The following TBC1D31 variants were observed in gnomAD, a reference collection of about 807,000 sequenced individuals.
TBC1D31 encodes the protein TBC1 domain family member 31.
TBC1D31 carries 99 observed loss-of-function variants against 132.9 expected under a neutral mutation model. That is an observed-to-expected ratio of 0.74 (90% CI 0.63 to 0.88). The LOEUF is 0.88. Among genes scored for constraint, TBC1D31 ranks in the 40% least tolerant of loss-of-function variants. The probability of loss-of-function intolerance (pLI) is 0.00; values close to 1 mark genes in which losing one functional copy is unlikely to be tolerated. For synonymous variants in TBC1D31, 385 were observed against 419.4 expected, an observed-to-expected ratio of 0.92 and a Z score of 1.00; for missense variants, 1,134 against 1,256.6, an observed-to-expected ratio of 0.90 and a Z score of 1.48.
intron 4 of TBC1D31, among the ~76,000 whole-genome samples, chr8:123,085,335 C>G (rs564228855): frequency 6.6e-6 from 1 of 152,188 alleles, no homozygotes; most frequent in African/African-American, 2.4e-5. Context: ...ACCACTCTTA[C>G]GTTTTCCCAC....
intron 6 of TBC1D31, among the ~76,000 whole-genome samples, chr8:123,098,324 T>C (rs1337076978): frequency 1.3e-5 from 2 of 152,174 alleles, no homozygotes; most frequent in Non-Finnish European, 2.9e-5. Context: ...TGTTTTGAGA[T>C]GGAGTCTAGC....
chr8:123,125,064 T>A (rs1819901115), intron 11 of TBC1D31, among the ~76,000 whole-genome samples: 1 of 152,116 alleles, frequency 6.6e-6, no homozygotes, highest in African/African-American at 2.4e-5. Context: ...ATAAGTGAAA[T>A]AATGGAACTC....
At chr8:123,087,807 T>G (rs899053222) in intron 4 of TBC1D31, among the ~76,000 whole-genome samples, 2 of 152,148 alleles carry the variant, frequency 1.3e-5, no homozygotes, top group African/African-American at 4.8e-5. Context: ...CCTAAGTATA[T>G]TAATGTTAGT....
intron 3 of TBC1D31, chr8:123,083,754 C>G (rs1250274791): frequency 6.4e-6 from 1 of 155,488 alleles, no homozygotes. Context: ...CTCCATATCT[C>G]CTGTCTGAAT....
chr8:123,146,865 TG>T (rs1239443697), intron 20 of TBC1D31, among the ~76,000 whole-genome samples: 2 of 151,676 alleles, frequency 1.3e-5, no homozygotes, highest in East Asian at 3.9e-4. Context: ...TTAGTAGAGA[TG>T]GGGTTTCGCC....
chr8:123,163,121 G>A, the TBC1D31 span, among the ~76,000 whole-genome samples: 32 of 151,520 alleles, frequency 2.1e-4, 1 homozygote, highest in South Asian at 2.1e-3. Context: ...CACTGCGCCC[G>A]GCCCATTGGG....
chr8:123,109,184 C>CCT (rs1249744576), intron 8 of TBC1D31, 133 bp from the exon 9 acceptor site: 1 of 639,858 alleles, frequency 1.6e-6, no homozygotes, highest in Non-Finnish European at 2.7e-6. Context: ...GGGGAAAAGA[C>CCT]CTATGATACA....
chr8:123,094,907 A>G (rs890988046), intron 5 of TBC1D31, among the ~76,000 whole-genome samples: 2 of 152,252 alleles, frequency 1.3e-5, no homozygotes, highest in Non-Finnish European at 1.5e-5. Flanking sequence ...TTATTGTTCA[A>G]ACATCCTTGA....
At chr8:123,107,379 T>G (rs538387095) in intron 8 of TBC1D31, among the ~76,000 whole-genome samples, 2 of 152,312 alleles carry the variant, frequency 1.3e-5, no homozygotes, top group South Asian at 4.1e-4. Context: ...CCCTACCCCA[T>G]ATATATAACC....
chr8:123,157,382 C>A, the TBC1D31 span, among the ~76,000 whole-genome samples: 41 of 152,124 alleles, frequency 2.7e-4, no homozygotes. Flanking sequence ...ACTTTTACTG[C>A]TGCTGTAAAT....
At chr8:123,127,635 A>G (rs1230190453) in intron 13 of TBC1D31, among the ~76,000 whole-genome samples, 1 of 152,170 alleles carries the variant, frequency 6.6e-6, no homozygotes, top group Non-Finnish European at 1.5e-5. Context: ...TAATCTTATC[A>G]TGACCCATCT....
At chr8:123,140,053 TG>T (rs1332635755) in intron 17 of TBC1D31, among the ~76,000 whole-genome samples, 1 of 152,124 alleles carries the variant, frequency 6.6e-6, no homozygotes, top group Non-Finnish European at 1.5e-5. Context: ...GCTTCCAGGC[TG>T]CTGGTTTTCA....
chr8:123,143,573 C>G (rs954466403), intron 19 of TBC1D31, among the ~76,000 whole-genome samples: 1 of 152,182 alleles, frequency 6.6e-6, no homozygotes, highest in Non-Finnish European at 1.5e-5. Flanking sequence ...AATTGCTTCT[C>G]TCTGTTGCTG....
rs536214815 is a variant in TBC1D31 at position 123,109,855 on chromosome 8, A to C, written c.1436+235A>C. Among the ~76,000 whole-genome samples the C allele has an allele frequency of 5.8e-4, 88 of 152,276 alleles. 1 individual carries two copies. In the South Asian group the frequency reaches 0.018, roughly 31 times the overall value. ...TGAAAGAACATCCCAGCACTTTGGG[A>C]GGCCAAGGCGGGCAGATCAGCTGAG... On this transcript the variant is annotated intron_variant, in intron 10 of 21. Transcript: ENST00000287380.
intron 16 of TBC1D31, among the ~76,000 whole-genome samples, chr8:123,133,820 T>C (rs1039774468): frequency 3.9e-5 from 6 of 152,244 alleles, no homozygotes; most frequent in African/African-American, 1.4e-4. Flanking sequence ...TTTTTCTAAC[T>C]CATGATATTG....
intron 2 of TBC1D31, among the ~76,000 whole-genome samples, chr8:123,079,081 A>G (rs1044031418): frequency 1.3e-5 from 2 of 152,200 alleles, no homozygotes; most frequent in Non-Finnish European, 2.9e-5. Flanking sequence ...AGCTAAATTA[A>G]GGACATCTAA....
chr8:123,155,282 C>T (rs1586758331), downstream of TBC1D31, among the ~76,000 whole-genome samples: 1 of 152,144 alleles, frequency 6.6e-6, no homozygotes, highest in African/African-American at 2.4e-5. The surrounding 1 kb of genome is among the most constrained non-coding windows in gnomAD (Gnocchi z 4.1). Context: ...CACCCCCAAA[C>T]CTGAAAAACT....
intron 1 of TBC1D31, among the ~76,000 whole-genome samples, chr8:123,076,843 T>C (rs1049698624): frequency 6.6e-6 from 1 of 152,188 alleles, no homozygotes; most frequent in Admixed American, 6.5e-5. Flanking sequence ...ACCATATCAA[T>C]TATTCTTAGC....
intron 2 of TBC1D31, among the ~76,000 whole-genome samples, chr8:123,079,917 T>C (rs1226790450): frequency 1.3e-5 from 2 of 152,222 alleles, no homozygotes; most frequent in African/African-American, 4.8e-5. Flanking sequence ...TGCTAATCCC[T>C]ATCTTCGATA....
Sources: gnomAD v4.1 joint callset for allele counts (sites outside exome capture counted in the v4.1 genomes callset) on GRCh38, gnomAD v4.1.1 for gene constraint, Gnocchi (gnomAD v3.1) non-coding constraint, MANE v1.5 for transcripts, NCBI Gene and HGNC (gene_info 2026-07-23, HGNC 2026-07-21) for gene names.